The following FHIT variants were observed in gnomAD, a reference collection of about 807,000 sequenced individuals.
The protein encoded by FHIT is bis(5'-adenosyl)-triphosphatase.
In FHIT, 19 loss-of-function variants were observed where a neutral mutation model predicts 17.9. The observed-to-expected ratio is 1.06, with a 90% CI of 0.74 to 1.56. The LOEUF is 1.56. FHIT is among the 40% of genes most tolerant of loss of function. The pLI, the probability that FHIT is intolerant of heterozygous loss-of-function variation, is 0.00. For synonymous variants in FHIT, 81 were observed against 69.7 expected (o/e 1.16, Z -0.81); for missense variants, 248 against 189.2 (o/e 1.31, Z -1.82).
chr3:60,487,822 C>G (rs9862176), intron 5 of FHIT, among the ~76,000 whole-genome samples: 14,655 of 152,188 alleles, frequency 0.096, 1,124 homozygotes, highest in East Asian at 0.39. Flanking sequence ...AGCAATCTTT[C>G]CTCCTAATTC....
intron 8 of FHIT, among the ~76,000 whole-genome samples, chr3:59,793,237 A>G (rs1284337771): frequency 6.6e-6 from 1 of 152,208 alleles, no homozygotes; most frequent in Non-Finnish European, 1.5e-5. Context: ...AGAAGCTACT[A>G]TTAATGACTA....
chr3:60,107,504 T>G (rs1288861870), intron 5 of FHIT, among the ~76,000 whole-genome samples: 2 of 152,150 alleles, frequency 1.3e-5, no homozygotes, highest in Admixed American at 1.3e-4. Flanking sequence ...GGGAACATGA[T>G]GGGTGGACTT....
intron 5 of FHIT, among the ~76,000 whole-genome samples, chr3:60,194,788 A>G (rs1702549423): frequency 6.6e-6 from 1 of 152,178 alleles, no homozygotes; most frequent in Admixed American, 6.5e-5. Flanking sequence ...ATGAACAGAC[A>G]TTTCTCAAAA....
At chr3:60,089,752 G>T (rs1703652063) in intron 5 of FHIT, among the ~76,000 whole-genome samples, 2 of 152,138 alleles carry the variant, frequency 1.3e-5, no homozygotes, top group Non-Finnish European at 2.9e-5. Flanking sequence ...TCTGATGAGG[G>T]TAGTCTTCTG....
chr3:60,899,026 A>AT (rs1183570256), intron 3 of FHIT, among the ~76,000 whole-genome samples: 11 of 152,056 alleles, frequency 7.2e-5, no homozygotes, highest in East Asian at 1.9e-4. Flanking sequence ...AATAACATGC[A>AT]TTTTTTTTCC....
chr3:60,222,437 CAA>C (rs1248521456), intron 5 of FHIT, among the ~76,000 whole-genome samples: 1 of 152,128 alleles, frequency 6.6e-6, no homozygotes. Context: ...CACCTTTTTA[CAA>C]TAGCCTCACA....
intron 5 of FHIT, among the ~76,000 whole-genome samples, chr3:60,483,312 C>T (rs1445143535): frequency 6.6e-6 from 1 of 152,168 alleles, no homozygotes; most frequent in Admixed American, 6.5e-5. Flanking sequence ...GCAGGGACTC[C>T]TCCCTAAGTC....
At chr3:60,307,917 C>T (rs1006802052) in intron 5 of FHIT, among the ~76,000 whole-genome samples, 4 of 152,110 alleles carry the variant, frequency 2.6e-5, no homozygotes, top group African/African-American at 9.7e-5. Context: ...GCTAATGATG[C>T]TGACAGTAGC....
chr3:60,239,487 C>A (rs1288755916), intron 5 of FHIT, among the ~76,000 whole-genome samples: 2 of 152,122 alleles, frequency 1.3e-5, no homozygotes, highest in African/African-American at 4.8e-5. Flanking sequence ...GTGGCTTATG[C>A]CCAGGAGCTC....
chr3:60,425,392 AC>A (rs1702624591), intron 5 of FHIT, among the ~76,000 whole-genome samples: 1 of 152,044 alleles, frequency 6.6e-6, no homozygotes. Context: ...ATTCTACTCA[AC>A]TCCATGATTC....
At chr3:60,645,811 C>A (rs192270423) in intron 4 of FHIT, among the ~76,000 whole-genome samples, 122 of 152,286 alleles carry the variant, frequency 8.0e-4, no homozygotes, top group African/African-American at 2.8e-3. Flanking sequence ...CCTCAACACT[C>A]CCCAATTCAA....
chr3:59,935,684 T>A (rs1244832329), intron 7 of FHIT, among the ~76,000 whole-genome samples: 1 of 150,896 alleles, frequency 6.6e-6, no homozygotes, highest in Non-Finnish European at 1.5e-5. Context: ...AATGGATGGG[T>A]GGATGGATGA....
chr3:60,191,582 C>G (rs576422926), intron 5 of FHIT, among the ~76,000 whole-genome samples: 1 of 152,096 alleles, frequency 6.6e-6, no homozygotes, highest in Non-Finnish European at 1.5e-5. Context: ...GAAACAGACT[C>G]AAACACACAG....
chr3:60,065,285 C>A (rs1332185027), intron 5 of FHIT, among the ~76,000 whole-genome samples: 1 of 152,116 alleles, frequency 6.6e-6, no homozygotes, highest in East Asian at 1.9e-4. Context: ...TGGGATCAGC[C>A]ATGCTCCTGG....
chr3:59,817,719 T>A (rs1482845475), intron 8 of FHIT, among the ~76,000 whole-genome samples: 2 of 152,220 alleles, frequency 1.3e-5, no homozygotes, highest in Non-Finnish European at 2.9e-5. Flanking sequence ...CCAAAGCAAC[T>A]AGTCAAGTCA....
chr3:60,743,260 C>T (rs2042275618), intron 4 of FHIT, among the ~76,000 whole-genome samples: 2 of 152,180 alleles, frequency 1.3e-5, no homozygotes, highest in Admixed American at 1.3e-4. Flanking sequence ...ATATAAAGCA[C>T]TTAACATGTG....
intron 8 of FHIT, among the ~76,000 whole-genome samples, chr3:59,818,387 G>A (rs1700676766): frequency 6.6e-6 from 1 of 152,086 alleles, no homozygotes; most frequent in African/African-American, 2.4e-5. Flanking sequence ...CACGGATGTG[G>A]AAGGAATCTC....
chr3:59,861,841 G>A (rs1438219331), intron 8 of FHIT, among the ~76,000 whole-genome samples: 2 of 151,912 alleles, frequency 1.3e-5, no homozygotes, highest in Non-Finnish European at 2.9e-5. Context: ...TGAACTAGAA[G>A]AACATGAAAC....
chr3:60,957,447 C>T (rs782306886), intron 3 of FHIT, among the ~76,000 whole-genome samples: 75 of 152,070 alleles, frequency 4.9e-4, no homozygotes, highest in Non-Finnish European at 8.2e-4. Context: ...CCGTGTTAGC[C>T]ACGATGGTCT....
Sources: allele counts gnomAD v4.1 joint callset (sites outside exome capture counted in the v4.1 genomes callset), GRCh38; gene constraint gnomAD v4.1.1; transcripts MANE v1.5; gene names NCBI Gene and HGNC (gene_info 2026-07-23, HGNC 2026-07-21).